Variants in ZNF608 observed in about 807,000 individuals in gnomAD.
The protein encoded by ZNF608 is renal carcinoma antigen NY-REN-36.
ZNF608 carries 12 observed loss-of-function variants against 109.0 expected under a neutral mutation model. The ratio of observed to expected loss-of-function variants is 0.11; its 90% CI spans 0.07 to 0.18. The LOEUF (loss-of-function observed/expected upper bound fraction) is 0.18, where lower values mean the gene tolerates loss of function less well. Ranked by LOEUF, ZNF608 falls within the 10% of genes least tolerant of loss-of-function variation. The pLI is 1.00. For missense variants in ZNF608, 1,707 were observed against 1,879.3 expected, an observed-to-expected ratio of 0.91 and a Z score of 1.70; for synonymous variants, 732 against 717.4, an observed-to-expected ratio of 1.02 and a Z score of -0.33.
Position 124,744,120 on chromosome 5 carries a change from C to G in ZNF608, c.870G>C (p.Glu290Asp). The change falls in exon 2 of 10, where the codon GAG becomes GAC. Residue 290 changes from glutamate (E) to aspartate (D), a missense_variant. Physicochemically the swap from Glu to Asp is conservative, Grantham distance 45. Transcript: ENST00000513986. This position sits in a 1 kb window ranked among gnomAD's most constrained non-coding sequence, Gnocchi z 4.5. ...TCAGTTTCTTGATTCGCCTGTGGCTCTCCTCCTCCTCCTCTTCCTTCTTTA... is the reference window on the plus strand; with the variant it reads ...TCAGTTTCTTGATTCGCCTGTGGCTGTCCTCCTCCTCCTCTTCCTTCTTTA... The part of the protein sequence containing the change: ...MLVKKEEEEE[E>D]SHRRIKKLKT... The G allele has an allele frequency of 6.3e-7, 1 of 1,591,714 alleles. No individual in the cohort carries two copies. Among genetic ancestry groups the G allele is most frequent in the Non-Finnish European group, 8.6e-7 (1 of 1,168,972 alleles).
At chr5:124,685,901 T>C (rs2149831551) in intron 3 of ZNF608, among the ~76,000 whole-genome samples, 1 of 152,306 alleles carries the variant, frequency 6.6e-6, no homozygotes, top group South Asian at 2.1e-4. Flanking sequence ...AAAATATAGA[T>C]GGTGATGCTA....
In ZNF608 at chr5:124,639,466, A is replaced by G. The variant is rs144126764; in HGVS notation, c.4451-252T>C. Among the ~76,000 whole-genome samples, 147 of 152,364 alleles carry G rather than the reference A, an allele frequency of 9.6e-4. 2 individuals carry two copies. In the East Asian group the frequency reaches 0.026, roughly 27 times the overall value. On this transcript the variant is annotated intron_variant, in intron 8 of 9. Transcript: ENST00000513986. ...CAGCATTCCATCTCTCCGGCTCTGC[A>G]TGGTGCTAAATGGTTTGCATGCATT...
intron 2 of ZNF608, among the ~76,000 whole-genome samples, chr5:124,721,208 A>G (rs1753887503): frequency 1.3e-5 from 2 of 152,202 alleles, no homozygotes; most frequent in Admixed American, 1.3e-4. Flanking sequence ...AATGTCACAT[A>G]AATGCAAGAT....
At chr5:124,645,504 GGGTGGC>G (rs1020128246) in intron 5 of ZNF608, among the ~76,000 whole-genome samples, 1 of 150,920 alleles carries the variant, frequency 6.6e-6, no homozygotes, top group Non-Finnish European at 1.5e-5. Context: ...GTGTGTGTGT[GGGTGGC>G]GGTGGTGGGG....
intron 5 of ZNF608, 150 bp downstream of exon 5, chr5:124,646,529 G>C (rs1297265860): frequency 1.1e-6 from 1 of 945,312 alleles, no homozygotes; most frequent in Non-Finnish European, 1.5e-6. Context: ...AGTAACTCCT[G>C]AGAATCTTAA....
intron 8 of ZNF608, among the ~76,000 whole-genome samples, chr5:124,640,815 C>T (rs116229762): frequency 1.3e-4 from 20 of 152,296 alleles, no homozygotes; most frequent in African/African-American, 4.8e-4. Flanking sequence ...AAGTGTTAAA[C>T]CTGATCACAT....
At chr5:124,693,547 A>G (rs560794192) in intron 3 of ZNF608, among the ~76,000 whole-genome samples, 2 of 152,326 alleles carry the variant, frequency 1.3e-5, no homozygotes, top group African/African-American at 2.4e-5. Context: ...ATGTCTTTAC[A>G]CAGTGAGTTT....
chr5:124,665,107 C>T (rs1324486688), intron 3 of ZNF608, among the ~76,000 whole-genome samples: 1 of 150,958 alleles, frequency 6.6e-6, no homozygotes, highest in African/African-American at 2.4e-5. Context: ...ACCCAGGAGG[C>T]GGAGGTTGCA....
intron 9 of ZNF608, 72 bp downstream of exon 9, chr5:124,639,061 C>G: frequency 6.8e-7 from 1 of 1,460,472 alleles, no homozygotes; most frequent in Non-Finnish European, 9.5e-7. Flanking sequence ...GTCTAAAAAT[C>G]CTGTACTTGC....
At chr5:124,696,015 C>T (rs1561566077) in intron 3 of ZNF608, among the ~76,000 whole-genome samples, 1 of 152,008 alleles carries the variant, frequency 6.6e-6, no homozygotes, top group Non-Finnish European at 1.5e-5. Context: ...GAAACCCCGT[C>T]TCTACTAAAA....
At chr5:124,698,403 A>G (rs1227192816) in intron 3 of ZNF608, among the ~76,000 whole-genome samples, 1 of 152,230 alleles carries the variant, frequency 6.6e-6, no homozygotes, top group African/African-American at 2.4e-5. Flanking sequence ...TAGTTTATTC[A>G]GCAAGAATAA....
At chr5:124,681,684 G>A (rs756822302) in intron 3 of ZNF608, among the ~76,000 whole-genome samples, 5 of 152,168 alleles carry the variant, frequency 3.3e-5, no homozygotes, top group African/African-American at 4.8e-5. Context: ...GGGAATTTGT[G>A]GCTGTAGTGT....
At chr5:124,725,199 AT>A (rs1346671884) in intron 2 of ZNF608, among the ~76,000 whole-genome samples, 5 of 152,164 alleles carry the variant, frequency 3.3e-5, no homozygotes, top group Non-Finnish European at 7.4e-5. Flanking sequence ...ACATAAACAA[AT>A]AAAATTCTTC....
intron 3 of ZNF608, among the ~76,000 whole-genome samples, chr5:124,653,616 G>A (rs948036248): frequency 1.3e-5 from 2 of 152,140 alleles, no homozygotes; most frequent in African/African-American, 4.8e-5. Flanking sequence ...TATCACGTCA[G>A]GCTAGACCCT....
intron 2 of ZNF608, 139 bp from the exon 3 acceptor site, chr5:124,701,408 G>T: frequency 8.9e-7 from 1 of 1,120,888 alleles, no homozygotes; most frequent in Non-Finnish European, 1.3e-6. Context: ...TGTTTTAATG[G>T]TGCCAAAATA....
At chr5:124,684,177 C>T (rs1366150498) in intron 3 of ZNF608, among the ~76,000 whole-genome samples, 1 of 152,208 alleles carries the variant, frequency 6.6e-6, no homozygotes, top group Non-Finnish European at 1.5e-5. Flanking sequence ...GTTTAGAATT[C>T]TTTAAGTCTG....
At chr5:124,723,197 C>T (rs1208116953) in intron 2 of ZNF608, among the ~76,000 whole-genome samples, 1 of 151,986 alleles carries the variant, frequency 6.6e-6, no homozygotes, top group African/African-American at 2.4e-5. Context: ...CTCCCAGCTA[C>T]AAGGTTTCTC....
At chr5:124,700,660 A>C (rs1231391634) in intron 3 of ZNF608, among the ~76,000 whole-genome samples, 1 of 152,248 alleles carries the variant, frequency 6.6e-6, no homozygotes, top group Non-Finnish European at 1.5e-5. Flanking sequence ...CAAGACAGAC[A>C]CATTTGTTGG....
At chr5:124,641,159 A>AG in intron 8 of ZNF608, 93 bp downstream of exon 8, 1 of 1,541,102 alleles carries the variant, frequency 6.5e-7, no homozygotes, top group Non-Finnish European at 8.9e-7. Context: ...ATGTGAACTC[A>AG]AAGCTCAATA....
Sources: allele counts gnomAD v4.1 joint callset (sites outside exome capture counted in the v4.1 genomes callset), GRCh38; gene constraint gnomAD v4.1.1; non-coding constraint Gnocchi (gnomAD v3.1); transcripts MANE v1.5; gene names NCBI Gene and HGNC (gene_info 2026-07-23, HGNC 2026-07-21).